Variants in KCNH8 observed in about 807,000 individuals in gnomAD.
KCNH8 encodes voltage-gated delayed rectifier potassium channel KCNH8.
A neutral mutation model predicts 103.6 loss-of-function variants in KCNH8; 70 were observed. The observed-to-expected ratio is 0.68, with a 90% CI of 0.56 to 0.82. The LOEUF (loss-of-function observed/expected upper bound fraction) is 0.82, where lower values mean the gene tolerates loss of function less well. Among genes scored for constraint, KCNH8 ranks in the 40% least tolerant of loss-of-function variants. The pLI, the probability that KCNH8 is intolerant of heterozygous loss-of-function variation, is 0.00. For synonymous variants in KCNH8, 498 were observed against 489.4 expected (o/e 1.02, Z -0.23); for missense variants, 1,217 against 1,329.9 (o/e 0.92, Z 1.32).
chr3:19,241,675 T>C (rs2064143062), intron 1 of KCNH8, among the ~76,000 whole-genome samples: 1 of 152,044 alleles, frequency 6.6e-6, no homozygotes, highest in Admixed American at 6.6e-5. Flanking sequence ...AAAATGTGTG[T>C]GTGTATGTGT....
chr3:19,472,821 TGTTTC>T (rs2067891341), intron 11 of KCNH8, among the ~76,000 whole-genome samples: 1 of 152,116 alleles, frequency 6.6e-6, no homozygotes, highest in Admixed American at 6.6e-5. Context: ...ATCAAGCATG[TGTTTC>T]AAATAAGATT....
intron 11 of KCNH8, among the ~76,000 whole-genome samples, chr3:19,471,096 A>C (rs1338444505): frequency 6.6e-6 from 1 of 152,196 alleles, no homozygotes; most frequent in Non-Finnish European, 1.5e-5. Flanking sequence ...AGGGGAGTTT[A>C]GTTGGGCTGG....
intron 7 of KCNH8, among the ~76,000 whole-genome samples, chr3:19,397,070 T>C (rs1327673228): frequency 6.6e-6 from 1 of 152,018 alleles, no homozygotes; most frequent in Non-Finnish European, 1.5e-5. Flanking sequence ...CCAGGCTTGC[T>C]GCAGACTTAA....
chr3:19,353,382 A>C (rs558939195), intron 5 of KCNH8, among the ~76,000 whole-genome samples: 3 of 152,194 alleles, frequency 2.0e-5, no homozygotes, highest in Non-Finnish European at 4.4e-5. Flanking sequence ...TACTCATTTT[A>C]TGAGGTCAGC....
intron 1 of KCNH8, among the ~76,000 whole-genome samples, chr3:19,166,516 G>A (rs900226576): frequency 1.3e-5 from 2 of 152,036 alleles, no homozygotes; most frequent in East Asian, 1.9e-4. Flanking sequence ...AGCATTGTTC[G>A]TAGTACATAG....
chr3:19,248,580 C>T (rs539336846), intron 1 of KCNH8, among the ~76,000 whole-genome samples: 11 of 152,192 alleles, frequency 7.2e-5, no homozygotes, highest in African/African-American at 2.6e-4. Context: ...CTGCTAGTAG[C>T]GAGCAAGTCA....
chr3:19,518,159 G>A (rs762285449), intron 15 of KCNH8, 85 bp downstream of exon 15: 114 of 1,037,714 alleles, frequency 1.1e-4, no homozygotes, highest in Non-Finnish European at 1.4e-4. Context: ...TAATATAGTA[G>A]TTACAAGCAT....
intron 1 of KCNH8, among the ~76,000 whole-genome samples, chr3:19,162,615 GATTTA>G (rs928280055): frequency 6.6e-6 from 1 of 151,898 alleles, no homozygotes; most frequent in Non-Finnish European, 1.5e-5. Context: ...ATATTAAAAT[GATTTA>G]ATTTTTCTTT....
chr3:19,497,961 T>C (rs2068480725), intron 11 of KCNH8, among the ~76,000 whole-genome samples: 1 of 152,224 alleles, frequency 6.6e-6, no homozygotes, highest in African/African-American at 2.4e-5. Context: ...TTAGGTCTTC[T>C]TGTTGAATTA....
At chr3:19,331,249 T>TTTTTTTTA (rs370945583) in intron 3 of KCNH8, among the ~76,000 whole-genome samples, 72 of 144,610 alleles carry the variant, frequency 5.0e-4, no homozygotes, top group Non-Finnish European at 8.6e-4. Context: ...CTTTAATTAT[T>TTTTTTTTA]TTTATTTATT....
At chr3:19,383,291 T>C (rs1192687978) in intron 5 of KCNH8, among the ~76,000 whole-genome samples, 1 of 152,206 alleles carries the variant, frequency 6.6e-6, no homozygotes, top group Non-Finnish European at 1.5e-5. Flanking sequence ...TTTATTTTTG[T>C]CTCTATTGAG....
At chr3:19,277,257 G>A (rs1422277699) in intron 2 of KCNH8, among the ~76,000 whole-genome samples, 5 of 152,110 alleles carry the variant, frequency 3.3e-5, no homozygotes, top group Non-Finnish European at 7.4e-5. Flanking sequence ...CCACTGAACT[G>A]TATATTTAAA....
At chr3:19,217,428 T>G (rs2063828613) in intron 1 of KCNH8, among the ~76,000 whole-genome samples, 1 of 152,212 alleles carries the variant, frequency 6.6e-6, no homozygotes. Flanking sequence ...ATATGAAGTC[T>G]CTTCCTTTTT....
chr3:19,302,951 G>A (rs1239117092), intron 3 of KCNH8, among the ~76,000 whole-genome samples: 1 of 152,052 alleles, frequency 6.6e-6, no homozygotes, highest in East Asian at 1.9e-4. Flanking sequence ...TTATCCTTGG[G>A]ATACTGTCCA....
chr3:19,275,900 T>C (rs2064663368), intron 2 of KCNH8, among the ~76,000 whole-genome samples: 1 of 152,074 alleles, frequency 6.6e-6, no homozygotes, highest in Non-Finnish European at 1.5e-5. Flanking sequence ...GGATCCTGTA[T>C]TGTCAAAGGT....
intron 1 of KCNH8, among the ~76,000 whole-genome samples, chr3:19,209,925 T>A (rs973588754): frequency 2.0e-5 from 3 of 151,992 alleles, no homozygotes; most frequent in Non-Finnish European, 4.4e-5. Context: ...TGGGAAGAGA[T>A]TTTTTTGGGG....
chr3:19,353,663 G>C (rs914284238), intron 5 of KCNH8, among the ~76,000 whole-genome samples: 1 of 152,060 alleles, frequency 6.6e-6, no homozygotes, highest in African/African-American at 2.4e-5. Flanking sequence ...TGCAGAAAAG[G>C]CCTTCGACAA....
At chr3:19,343,537 A>G (rs1424223546) in intron 4 of KCNH8, among the ~76,000 whole-genome samples, 2 of 152,076 alleles carry the variant, frequency 1.3e-5, no homozygotes, top group African/African-American at 4.8e-5. Context: ...CAGAACATGT[A>G]TGGGGTGTTG....
At chr3:19,490,141 G>A (rs2068287784) in intron 11 of KCNH8, among the ~76,000 whole-genome samples, 1 of 152,316 alleles carries the variant, frequency 6.6e-6, no homozygotes. Flanking sequence ...TCCCCCGCAG[G>A]GATGCTCCAC....
Sources: allele counts gnomAD v4.1 joint callset (sites outside exome capture counted in the v4.1 genomes callset), GRCh38; gene constraint gnomAD v4.1.1; transcripts MANE v1.5; gene names NCBI Gene and HGNC (gene_info 2026-07-23, HGNC 2026-07-21).